SYT16: variants seen among roughly 807,000 people sequenced by gnomAD.
SYT16 encodes synaptotagmin 16.
SYT16 carries 42 observed loss-of-function variants against 61.4 expected under a neutral mutation model. The observed-to-expected ratio is 0.68, with a 90% CI of 0.53 to 0.89. SYT16 has a LOEUF of 0.89. Among genes scored for constraint, SYT16 ranks in the 40% least tolerant of loss-of-function variants. The pLI is 0.00. For synonymous variants in SYT16, 314 were observed against 302.3 expected, an observed-to-expected ratio of 1.04 and a Z score of -0.40; for missense variants, 804 against 807.3, an observed-to-expected ratio of 1.00 and a Z score of 0.05.
intron 3 of SYT16, among the ~76,000 whole-genome samples, chr14:62,069,064 G>A (rs1595339080): frequency 6.6e-6 from 1 of 152,198 alleles, no homozygotes; most frequent in Non-Finnish European, 1.5e-5. Context: ...CCAACGTGCT[G>A]GGATTACAGG....
Position 61,989,392 on chromosome 14 carries a change from G to A in SYT16, c.-144-6484G>A, listed in dbSNP as rs545493848. Among the ~76,000 whole-genome samples, 32 of 152,092 alleles carry A rather than the reference G, an allele frequency of 2.1e-4. No homozygotes were observed. In the South Asian group the frequency reaches 3.1e-3, roughly 15 times the overall value. On this transcript the variant is annotated intron_variant, in intron 2 of 7. Transcript: ENST00000683842. ...AGCCTGGCCAACATGGCGAAACCCC[G>A]TTTCTACTAAAAGTACAAAAATTAG...
intron 1 of SYT16, among the ~76,000 whole-genome samples, chr14:61,906,508 C>T (rs768047874): frequency 1.1e-4 from 17 of 152,114 alleles, no homozygotes; most frequent in Non-Finnish European, 1.5e-4. Flanking sequence ...TCTCGCTCTT[C>T]GGCTTTTTTT....
chr14:62,024,131 A>G (rs2054012804), intron 3 of SYT16, among the ~76,000 whole-genome samples: 1 of 152,128 alleles, frequency 6.6e-6, no homozygotes. Context: ...AATAATATAA[A>G]TAGCAACTGT....
chr14:61,875,777 G>C (rs2047469081), intron 1 of SYT16, among the ~76,000 whole-genome samples: 1 of 152,232 alleles, frequency 6.6e-6, no homozygotes, highest in Admixed American at 6.5e-5. Context: ...GCATTGTGGG[G>C]CCTCTGTATT....
At chr14:61,841,687 A>C (rs2047200006) in intron 1 of SYT16, among the ~76,000 whole-genome samples, 1 of 152,116 alleles carries the variant, frequency 6.6e-6, no homozygotes, top group Non-Finnish European at 1.5e-5. Context: ...CAGACTTCAT[A>C]TGATAGCTTT....
intron 3 of SYT16, among the ~76,000 whole-genome samples, chr14:62,026,388 A>ATCTGGTG (rs1050236335): frequency 6.6e-6 from 1 of 152,230 alleles, no homozygotes; most frequent in Non-Finnish European, 1.5e-5. Flanking sequence ...AGGCACTGGT[A>ATCTGGTG]TCTGGTGTCT....
chr14:62,012,986 T>A (rs914214136), intron 3 of SYT16, among the ~76,000 whole-genome samples: 1 of 152,180 alleles, frequency 6.6e-6, no homozygotes, highest in African/African-American at 2.4e-5. Flanking sequence ...TCACTTCAGG[T>A]GAAGAACTTC....
chr14:62,073,975 A>G (rs749996927), intron 4 of SYT16, among the ~76,000 whole-genome samples: 1 of 152,226 alleles, frequency 6.6e-6, no homozygotes, highest in Non-Finnish European at 1.5e-5. Flanking sequence ...CTACCATACA[A>G]TGTATATAGA....
chr14:61,884,554 C>T (rs1411173769), intron 1 of SYT16, among the ~76,000 whole-genome samples: 3 of 152,176 alleles, frequency 2.0e-5, no homozygotes, highest in African/African-American at 7.2e-5. Flanking sequence ...TTGCCACTTG[C>T]AAGAAAGCCT....
At chr14:62,030,702 G>C (rs1326361069) in intron 3 of SYT16, among the ~76,000 whole-genome samples, 1 of 152,124 alleles carries the variant, frequency 6.6e-6, no homozygotes, top group Non-Finnish European at 1.5e-5. Context: ...TTCAAAGGTG[G>C]CTTTAACCTT....
intron 1 of SYT16, among the ~76,000 whole-genome samples, chr14:61,825,960 A>G (rs11158362): frequency 0.048 from 7,326 of 152,318 alleles, 298 homozygotes; most frequent in African/African-American, 0.11. Flanking sequence ...CTGCCACCCC[A>G]TAGTTCAAAA....
At chr14:61,820,469 G>GTTT (rs71117856) in intron 1 of SYT16, among the ~76,000 whole-genome samples, 4,248 of 61,078 alleles carry the variant, frequency 0.07, 1,459 homozygotes, top group African/African-American at 0.094. Flanking sequence ...CCTCTTCAGA[G>GTTT]TTTTTTTTTT....
At chr14:62,086,457 G>A (rs2056888989) in intron 7 of SYT16, among the ~76,000 whole-genome samples, 2 of 152,164 alleles carry the variant, frequency 1.3e-5, no homozygotes, top group Admixed American at 1.3e-4. Context: ...TCCAGCCTGG[G>A]TGACAGAATG....
At chr14:61,872,687 A>G (rs1326255716) in intron 1 of SYT16, among the ~76,000 whole-genome samples, 1 of 152,168 alleles carries the variant, frequency 6.6e-6, no homozygotes, top group Non-Finnish European at 1.5e-5. Flanking sequence ...TTGGGCTGCT[A>G]AGACCCAGGG....
intron 1 of SYT16, among the ~76,000 whole-genome samples, chr14:61,948,903 G>T (rs1402642340): frequency 6.6e-6 from 1 of 152,160 alleles, no homozygotes; most frequent in Non-Finnish European, 1.5e-5. Flanking sequence ...GAATAAGGAT[G>T]TGCAATGTGG....
chr14:61,969,849 G>T (rs2051473265), intron 1 of SYT16, among the ~76,000 whole-genome samples: 1 of 152,118 alleles, frequency 6.6e-6, no homozygotes, highest in Non-Finnish European at 1.5e-5. Flanking sequence ...GAGGACAGGA[G>T]CAAGAAGAGT....
intron 1 of SYT16, among the ~76,000 whole-genome samples, chr14:61,858,129 A>G: frequency 6.7e-6 from 1 of 149,420 alleles, no homozygotes; most frequent in Admixed American, 6.6e-5. Flanking sequence ...GCAAAAAAAA[A>G]AAAAAAAAAA....
intron 1 of SYT16, among the ~76,000 whole-genome samples, chr14:61,923,932 G>A (rs1227131059): frequency 6.6e-6 from 1 of 152,150 alleles, no homozygotes; most frequent in Non-Finnish European, 1.5e-5. Context: ...TTTTGTGACT[G>A]CTGTCAGTCT....
At chr14:62,027,845 G>A (rs2054161246) in intron 3 of SYT16, among the ~76,000 whole-genome samples, 1 of 152,152 alleles carries the variant, frequency 6.6e-6, no homozygotes, top group Admixed American at 6.5e-5. Context: ...CTTGAAAAGA[G>A]CCTTTTTATT....
Sources: allele counts gnomAD v4.1 joint callset (sites outside exome capture counted in the v4.1 genomes callset), GRCh38; gene constraint gnomAD v4.1.1; transcripts MANE v1.5; gene names NCBI Gene and HGNC (gene_info 2026-07-23, HGNC 2026-07-21).